Variants in SNX2 observed in about 807,000 individuals in gnomAD.
SNX2 encodes sorting nexin-2.
A neutral mutation model predicts 69.9 loss-of-function variants in SNX2; 25 were observed. The observed-to-expected ratio is 0.36, with a 90% confidence interval of 0.26 to 0.50. The LOEUF (loss-of-function observed/expected upper bound fraction) is 0.50, where lower values mean the gene tolerates loss of function less well. Among genes scored for constraint, SNX2 ranks in the 20% least tolerant of loss-of-function variants. The pLI is 0.97. For synonymous variants in SNX2, 229 were observed against 200.4 expected (o/e 1.14, Z -1.20); for missense variants, 551 against 613.3 (o/e 0.90, Z 1.07).
chr5:122,819,158 A>G (rs754260753), intron 11 of SNX2, 135 bp downstream of exon 11: 4 of 644,436 alleles, frequency 6.2e-6, no homozygotes, highest in Non-Finnish European at 8.0e-6. Context: ...ATAAGTATAC[A>G]TAACTTAATA....
At chr5:122,829,114 C>T (rs907454763) in intron 14 of SNX2, among the ~76,000 whole-genome samples, 4 of 152,026 alleles carry the variant, frequency 2.6e-5, no homozygotes, top group African/African-American at 9.7e-5. Context: ...TGAAACTCCA[C>T]CTCAAGAAAA....
intron 1 of SNX2, among the ~76,000 whole-genome samples, chr5:122,791,730 G>A (rs1286076281): frequency 6.6e-6 from 1 of 152,204 alleles, no homozygotes; most frequent in African/African-American, 2.4e-5. Flanking sequence ...AATTTTTATA[G>A]TAATATAGAA....
At chr5:122,816,782 G>A (rs1753908392) in intron 8 of SNX2, 133 bp from the exon 9 acceptor site, 2 of 500,970 alleles carry the variant, frequency 4.0e-6, no homozygotes, top group Middle Eastern at 3.2e-4. Context: ...GTATGAGAGT[G>A]AAGAAAATAC....
chr5:122,829,696 T>TC lies in SNX2; in HGVS notation c.*48_*49insC, dbSNP rs1561481359. The TC allele has an allele frequency of 6.9e-7, 1 of 1,457,944 alleles. No individual in the cohort carries two copies. Among genetic ancestry groups the TC allele is most frequent in the Admixed American group, 1.7e-5 (1 of 59,620 alleles). The allele number at this position is 1,457,944 out of a possible 1,614,324, so 90.3% of individuals were successfully genotyped here. On this transcript the variant is annotated 3_prime_UTR_variant, in exon 15 of 15. Coordinates refer to ENST00000379516, the MANE Select transcript of SNX2 (RefSeq NM_003100.4). ...AAGACCTTGGATGTTGTTCCAGTTA[T>TC]GCTGGATTCCACAGTGAAATCATTT... is the stretch of plus-strand genomic sequence containing the variant.
Position 122,834,313 on chromosome 5 carries a change from A to G in SNX2, c.*4665A>G, listed in dbSNP as rs964655947. The G allele has an allele frequency of 1.3e-5, 2 of 152,308 alleles. No homozygotes were observed. The highest frequency in any genetic ancestry group is 3.9e-4 in the East Asian group (2 of 5,192). 9.4% of individuals were successfully genotyped at this position (152,308 alleles called of 1,614,324 possible). A position where few individuals can be genotyped will look rare whatever the true frequency, so the allele number is the denominator to read the frequency against. On this transcript the variant is annotated 3_prime_UTR_variant, in exon 15 of 15. Coordinates refer to ENST00000379516, the MANE Select transcript of SNX2 (RefSeq NM_003100.4). ...AATGCTCTTCTTCCTTTCTTGTCACATACTTTTAAAAAATTCTCTAAAGAT... is the reference window on the plus strand; with the variant it reads ...AATGCTCTTCTTCCTTTCTTGTCACGTACTTTTAAAAAATTCTCTAAAGAT...
At chr5:122,806,683 A>C (rs1190161429) in intron 6 of SNX2, among the ~76,000 whole-genome samples, 1 of 152,126 alleles carries the variant, frequency 6.6e-6, no homozygotes, top group Non-Finnish European at 1.5e-5. Flanking sequence ...AATGGATAGA[A>C]GGTTTTTAAC....
intron 7 of SNX2, among the ~76,000 whole-genome samples, chr5:122,813,768 T>C (rs1325128860): frequency 1.3e-5 from 1 of 78,476 alleles, no homozygotes; most frequent in African/African-American, 5.0e-5. Context: ...GAATATTTCC[T>C]TTTTTTTTTT....
At position 122,818,998 on chromosome 5, in the gene SNX2, A is replaced by G; in HGVS notation, c.1187A>G (p.Tyr396Cys). ...FYMFSELLSD[Y>C]IRLIAAVKGV... Reference sequence around the variant, plus strand: ...ATGTTTTCAGAACTACTTAGTGACTACATTCGTCTTATTGCTGCAGTGAAA... The same window carrying G: ...ATGTTTTCAGAACTACTTAGTGACTGCATTCGTCTTATTGCTGCAGTGAAA... The change falls in exon 11 of 15, where the codon TAC (tyrosine) becomes TGC (cysteine). Residue 396 changes from tyrosine (Y) to cysteine (C), a missense_variant. Tyr to Cys is a radical substitution (Grantham distance 194). Around this residue, in one of 2 missense-constraint regions of SNX2, gnomAD observed 360 missense variants for 450.4 expected, o/e 0.80. Coordinates refer to ENST00000379516, the MANE Select transcript of SNX2 (RefSeq NM_003100.4). The G allele has an allele frequency of 6.2e-7, 1 of 1,613,688 alleles. No individual in the cohort carries two copies. The highest frequency in any genetic ancestry group is 2.2e-5 in the East Asian group (1 of 44,854).
At chr5:122,806,643 G>A (rs1753665263) in intron 6 of SNX2, among the ~76,000 whole-genome samples, 1 of 151,952 alleles carries the variant, frequency 6.6e-6, no homozygotes, top group South Asian at 2.1e-4. Context: ...TGGTCACAAT[G>A]TCCCTTAACA....
At position 122,795,203 on chromosome 5, in the gene SNX2, G is replaced by A. The variant is rs1407546922; in HGVS notation, c.109-63G>A. 4 of 1,015,392 alleles carry A rather than the reference G, an allele frequency of 3.9e-6. No homozygotes were observed. The African/African-American group carries it at 6.3e-5, about 16-fold the overall frequency. The allele number at this position is 1,015,392 out of a possible 1,614,324, so 62.9% of individuals were successfully genotyped here. A position where few individuals can be genotyped will look rare whatever the true frequency, so the allele number is the denominator to read the frequency against. Reference sequence around the variant, plus strand: ...AGAATGTTCTATTTCTGTAGTACATGGTGACAGAATTACAACAGGTAAACA... The same window carrying A: ...AGAATGTTCTATTTCTGTAGTACATAGTGACAGAATTACAACAGGTAAACA... On this transcript the variant is annotated intron_variant, in intron 1 of 14. Coordinates refer to ENST00000379516, the MANE Select transcript of SNX2 (RefSeq NM_003100.4).
At chr5:122,796,915 G>T (rs1275675427) in intron 2 of SNX2, among the ~76,000 whole-genome samples, 1 of 151,952 alleles carries the variant, frequency 6.6e-6, no homozygotes, top group Non-Finnish European at 1.5e-5. Context: ...TGCCCACTTA[G>T]CTTGGTTAGA....
At chr5:122,828,626 T>G (rs1754212083) in intron 14 of SNX2, among the ~76,000 whole-genome samples, 1 of 152,174 alleles carries the variant, frequency 6.6e-6, no homozygotes, top group African/African-American at 2.4e-5. Context: ...AAGGTCATTG[T>G]AGTTGTATTA....
At chr5:122,825,612 T>A (rs1458865076) in intron 11 of SNX2, among the ~76,000 whole-genome samples, 1 of 152,084 alleles carries the variant, frequency 6.6e-6, no homozygotes, top group South Asian at 2.1e-4. Context: ...ACATATCTTA[T>A]GAGTTTTTCC....
chr5:122,791,314 C>G (rs1234164387), intron 1 of SNX2, among the ~76,000 whole-genome samples: 1 of 151,422 alleles, frequency 6.6e-6, no homozygotes, highest in Admixed American at 6.6e-5. Flanking sequence ...TGGAGTCTTG[C>G]CCTGTCGCCC....
In SNX2 at chr5:122,832,392, A is replaced by G. The variant is rs973026918; in HGVS notation, c.*2744A>G. 6.6e-6 allele frequency: 1 copy of G among 151,154 alleles called. No homozygotes were observed. Among genetic ancestry groups the G allele is most frequent in the Admixed American group, 6.6e-5 (1 of 15,154 alleles). The allele number at this position is 151,154 out of a possible 1,614,324, so 9.4% of individuals were successfully genotyped here. A position where few individuals can be genotyped will look rare whatever the true frequency, so the allele number is the denominator to read the frequency against. On this transcript the variant is annotated 3_prime_UTR_variant, in exon 15 of 15. Coordinates refer to ENST00000379516, the MANE Select transcript of SNX2 (RefSeq NM_003100.4). ...TAATCAAAGAACTTCTATTAAGTAA[A>G]ACAAGACAAAATGTGTGTAAAAATA... is the stretch of plus-strand genomic sequence containing the variant.
intron 6 of SNX2, among the ~76,000 whole-genome samples, chr5:122,806,134 A>ATGTGTG (rs142218645): frequency 8.2e-6 from 1 of 121,374 alleles, no homozygotes; most frequent in African/African-American, 2.8e-5. Context: ...ATATATACAC[A>ATGTGTG]CGCGCGCGCA....
At chr5:122,807,003 A>G (rs531816247) in intron 6 of SNX2, among the ~76,000 whole-genome samples, 50 of 152,308 alleles carry the variant, frequency 3.3e-4, no homozygotes, top group African/African-American at 7.7e-4. Flanking sequence ...TAAAGTGTCT[A>G]GGTCGGGTGT....
intron 8 of SNX2, 97 bp from the exon 9 acceptor site, chr5:122,816,818 G>T (rs572353557): frequency 1.4e-4 from 75 of 549,870 alleles, no homozygotes; most frequent in South Asian, 1.1e-3. Context: ...ATTTGTATGT[G>T]GGGGGGAGGG....
intron 7 of SNX2, among the ~76,000 whole-genome samples, chr5:122,813,610 A>AAT (rs886161684): frequency 6.6e-6 from 1 of 151,860 alleles, no homozygotes; most frequent in Admixed American, 6.6e-5. Context: ...AAAAGACAGG[A>AAT]ATATATATAT....
Sources: allele counts gnomAD v4.1 joint callset (sites outside exome capture counted in the v4.1 genomes callset), GRCh38; gene constraint gnomAD v4.1.1; regional missense constraint gnomAD v4.1.1; transcripts MANE v1.5; gene names NCBI Gene and HGNC (gene_info 2026-07-23, HGNC 2026-07-21).